Variants in IGDCC4 observed in about 807,000 individuals in gnomAD.
IGDCC4 encodes the protein immunoglobulin superfamily DCC subclass member 4.
Under a neutral mutation model 116.6 loss-of-function variants are expected in IGDCC4, and 72 were observed. That is an observed-to-expected ratio of 0.62 (90% CI 0.51 to 0.75). The LOEUF (loss-of-function observed/expected upper bound fraction) is 0.75, where lower values mean the gene tolerates loss of function less well. Among genes scored for constraint, IGDCC4 ranks in the 30% least tolerant of loss-of-function variants. The pLI, the probability that IGDCC4 is intolerant of heterozygous loss-of-function variation, is 0.00. For synonymous variants in IGDCC4, 709 were observed against 719.9 expected, an observed-to-expected ratio of 0.98 and a Z score of 0.24; for missense variants, 1,501 against 1,662.4, an observed-to-expected ratio of 0.90 and a Z score of 1.69.
At chr15:65,396,220 C>CCCCCCCCCCT (rs1567084979) in intron 6 of IGDCC4, 57 bp from the exon 7 acceptor site, 9 of 1,322,818 alleles carry the variant, frequency 6.8e-6, no homozygotes, top group East Asian at 3.3e-5. Context: ...GTCTCTGCCC[C>CCCCCCCCCCT]CCCCCCAGTA....
chr15:65,400,637 C>T (rs1321833616), intron 5 of IGDCC4, among the ~76,000 whole-genome samples, 169 bp downstream of exon 5: 1 of 152,186 alleles, frequency 6.6e-6, no homozygotes, highest in African/African-American at 2.4e-5. Flanking sequence ...CAGTTCCCCA[C>T]GCAGCTCCGA....
At chr15:65,396,738 C>T in intron 6 of IGDCC4, 96 bp downstream of exon 6, 2 of 1,457,696 alleles carry the variant, frequency 1.4e-6, no homozygotes, top group South Asian at 1.3e-5. Flanking sequence ...AGGAGAGCGC[C>T]TGAGTGCCCC....
chr15:65,400,620 G>T (rs973399182), intron 5 of IGDCC4, among the ~76,000 whole-genome samples, 186 bp downstream of exon 5: 1 of 152,196 alleles, frequency 6.6e-6, no homozygotes, highest in African/African-American at 2.4e-5. Flanking sequence ...TGACAAGGAA[G>T]TCTGTCCAGT....
At chr15:65,389,541 G>A in intron 13 of IGDCC4, 130 bp from the exon 14 acceptor site, 1 of 1,262,748 alleles carries the variant, frequency 7.9e-7, no homozygotes, top group South Asian at 1.3e-5. Flanking sequence ...CTGCTCCCTG[G>A]CCTGGAGGCG....
chr15:65,396,780 C>A, intron 6 of IGDCC4, 54 bp downstream of exon 6: 1 of 1,539,680 alleles, frequency 6.5e-7, no homozygotes, highest in Non-Finnish European at 8.7e-7. Context: ...TCCCCCTGCT[C>A]TATTCACCCC....
chr15:65,387,664 A>G (rs1321683934), intron 16 of IGDCC4, among the ~76,000 whole-genome samples: 2 of 151,522 alleles, frequency 1.3e-5, no homozygotes, highest in Non-Finnish European at 2.9e-5. Context: ...TCCGACCTCT[A>G]ATTTTTAAAA....
intron 3 of IGDCC4, among the ~76,000 whole-genome samples, chr15:65,409,603 C>T (rs563219533): frequency 1.9e-4 from 29 of 152,214 alleles, no homozygotes; most frequent in Non-Finnish European, 3.5e-4. Flanking sequence ...GCTTCCCTTC[C>T]GCCTTGGAAA....
chr15:65,419,223 C>CTTT (rs541482808), intron 1 of IGDCC4, among the ~76,000 whole-genome samples: 5 of 126,450 alleles, frequency 4.0e-5, no homozygotes, highest in African/African-American at 8.9e-5. Flanking sequence ...GACCGCCATG[C>CTTT]TTTTTTTTTT....
At chr15:65,397,049 C>T in intron 5 of IGDCC4, 60 bp from the exon 6 acceptor site, 1 of 1,538,728 alleles carries the variant, frequency 6.5e-7, no homozygotes, top group Non-Finnish European at 8.8e-7. Context: ...TCCCTTCAGT[C>T]TCCGAACCTC....
rs770820041 is a variant in IGDCC4, at chr15:65,411,384, G to A, written c.71-14C>T. The A allele has an allele frequency of 6.0e-5, 93 of 1,539,686 alleles. No individual in the cohort carries two copies. The highest frequency in any genetic ancestry group is 1.3e-4 in the Admixed American group (7 of 53,188). On this transcript the variant is annotated splice_polypyrimidine_tract_variant and intron_variant, in intron 1 of 19. Coordinates refer to ENST00000352385, the MANE Select transcript of IGDCC4 (RefSeq NM_020962.3). Reference sequence around the variant, plus strand: ...ACAGCAGCTCCCCTGCATAGAGGAGGAGCACGGGGCCATCAGTGTATGTCC... The same window carrying A: ...ACAGCAGCTCCCCTGCATAGAGGAGAAGCACGGGGCCATCAGTGTATGTCC...
chr15:65,421,885 C>T (rs1418538876), intron 1 of IGDCC4, among the ~76,000 whole-genome samples: 1 of 151,998 alleles, frequency 6.6e-6, no homozygotes, highest in African/African-American at 2.4e-5. Context: ...AGACACACAC[C>T]CTTGGGGACT....
In IGDCC4 at chr15:65,382,248, T is replaced by C. The variant is rs942223659; in HGVS notation, c.*1761A>G. On this transcript the variant is annotated 3_prime_UTR_variant, in exon 20 of 20. Transcript: ENST00000352385. ...TCTTTAACGAGATACAAAACCAACA[T>C]TAATAATCTTTAGTGTTATCATAGG... 5 of 152,218 alleles carry C rather than the reference T, an allele frequency of 3.3e-5. No individual in the cohort carries two copies. The highest frequency in any genetic ancestry group is 4.8e-5 in the African/African-American group (2 of 41,330). The allele number at this position is 152,218 out of a possible 1,614,324, so 9.4% of individuals were successfully genotyped here. A position where few individuals can be genotyped will look rare whatever the true frequency, so the allele number is the denominator to read the frequency against.
intron 18 of IGDCC4, 109 bp from the exon 19 acceptor site, chr15:65,385,224 T>C: frequency 8.9e-7 from 1 of 1,122,096 alleles, no homozygotes; most frequent in Non-Finnish European, 1.2e-6. Context: ...GGGTCCAGAC[T>C]GTCACCCGCT....
chr15:65,410,831 GATTATGGAATACCC>G (rs2063084224), intron 2 of IGDCC4, 175 bp downstream of exon 2: 1 of 593,648 alleles, frequency 1.7e-6, no homozygotes, highest in Non-Finnish European at 3.0e-6. Flanking sequence ...GAAGCGGGAA[GATTATGGAATACCC>G]AAGAATGAGG....
chr15:65,396,228 G>A, intron 6 of IGDCC4, 65 bp from the exon 7 acceptor site: 1 of 1,068,448 alleles, frequency 9.4e-7, no homozygotes, highest in Admixed American at 8.2e-5. Flanking sequence ...CCCCCCCCCA[G>A]TACCCCAAGC....
At position 65,386,062 on chromosome 15, in the gene IGDCC4, G is replaced by A. The variant is rs760024257; in HGVS notation, c.2952-3C>T. On this transcript the variant is annotated splice_polypyrimidine_tract_variant and splice_region_variant and intron_variant, in intron 17 of 19. Transcript: ENST00000352385. ...AGGACAGGCCTGGGAGGGATTCCCT[G>A]GAAGGGAAGACGGAAAACAAGGCAT... The A allele has an allele frequency of 1.2e-5, 18 of 1,491,112 alleles. No individual in the cohort carries two copies. The South Asian group carries it at 2.1e-4, about 18-fold the overall frequency. The allele number at this position is 1,491,112 out of a possible 1,614,324, so 92.4% of individuals were successfully genotyped here. A position where few individuals can be genotyped will look rare whatever the true frequency, so the allele number is the denominator to read the frequency against.
rs1446330400 is a variant in IGDCC4 at position 65,389,329 on chromosome 15, C to A, written c.2491G>T (p.Asp831Tyr). 6.2e-7 allele frequency: 1 copy of A among 1,614,192 alleles called. No homozygotes were observed. Among genetic ancestry groups the A allele is most frequent in the Non-Finnish European group, 8.5e-7 (1 of 1,180,028 alleles). ...TCCACCACAGAGCCGAAAGGCCCAT[C>A]CATGTCCACGCCGTGAGACTGCACT... ...FAVQSHGVDM[D>Y]GPFGSVVERS... is the part of the protein sequence containing the mutation. Residue 831 changes from aspartate (D) to tyrosine (Y), a missense_variant, in exon 14 of 20, where the codon GAT becomes TAT. Around this residue, in one of 3 missense-constraint regions of IGDCC4, gnomAD observed 235 missense variants for 328.0 expected, o/e 0.72. Transcript: ENST00000352385.
intron 18 of IGDCC4, chr15:65,385,387 G>T: frequency 1.8e-6 from 1 of 547,652 alleles, no homozygotes; most frequent in South Asian, 2.3e-5. Flanking sequence ...GGGTGAGGGA[G>T]GACGGGTCGG....
intron 8 of IGDCC4, 77 bp from the exon 9 acceptor site, chr15:65,394,625 C>T (rs2062902996): frequency 3.5e-6 from 5 of 1,426,556 alleles, no homozygotes; most frequent in Non-Finnish European, 4.7e-6. Context: ...CAGAGACTTG[C>T]CTGGGTCACA....
Sources: allele counts gnomAD v4.1 joint callset (sites outside exome capture counted in the v4.1 genomes callset), GRCh38; gene constraint gnomAD v4.1.1; regional missense constraint gnomAD v4.1.1; transcripts MANE v1.5; gene names NCBI Gene and HGNC (gene_info 2026-07-23, HGNC 2026-07-21).